SPRED1: variants seen among roughly 807,000 people sequenced by gnomAD.
SPRED1 encodes sprouty-related, EVH1 domain-containing protein 1.
Under a neutral mutation model 52.3 loss-of-function variants are expected in SPRED1, and 18 were observed. That is an observed-to-expected ratio of 0.34 (90% CI 0.24 to 0.51). The LOEUF (loss-of-function observed/expected upper bound fraction) is 0.51, where lower values mean the gene tolerates loss of function less well. Ranked by LOEUF, SPRED1 falls within the 20% of genes least tolerant of loss-of-function variation. The probability of loss-of-function intolerance (pLI) is 0.97; values close to 1 mark genes in which losing one functional copy is unlikely to be tolerated. For synonymous variants in SPRED1, 155 were observed against 179.7 expected, an observed-to-expected ratio of 0.86 and a Z score of 1.10; for missense variants, 485 against 551.0, an observed-to-expected ratio of 0.88 and a Z score of 1.20.
intron 2 of SPRED1, among the ~76,000 whole-genome samples, chr15:38,320,487 A>ATT (rs145164419): frequency 1.3e-5 from 2 of 151,402 alleles, no homozygotes; most frequent in Admixed American, 6.6e-5. Context: ...TAAAGTTGCT[A>ATT]TTTTTTTTTA....
chr15:38,297,994 T>C lies in SPRED1; in HGVS notation c.33-1379T>C, dbSNP rs1011407634. 1.8e-4 allele frequency among the ~76,000 whole-genome samples: 27 copies of C among 152,194 alleles called. 1 individual carries two copies. The highest frequency in any genetic ancestry group is 6.0e-4 in the African/African-American group (25 of 41,464). On this transcript the variant is annotated intron_variant, in intron 1 of 6. Transcript: ENST00000299084. ...AAGTATATTCTCTAAAAAATACTTA[T>C]GTCCAGAATATATTTTAAAAAACAC...
chr15:38,291,669 C>T (rs542055482), intron 1 of SPRED1, among the ~76,000 whole-genome samples: 135 of 152,330 alleles, frequency 8.9e-4, no homozygotes, highest in Admixed American at 3.5e-3. Flanking sequence ...CTTGGGACTT[C>T]CACCCTCTGA....
chr15:38,316,978 A>G (rs1895500955), intron 2 of SPRED1, among the ~76,000 whole-genome samples: 1 of 151,626 alleles, frequency 6.6e-6, no homozygotes, highest in Non-Finnish European at 1.5e-5. Flanking sequence ...TTTAATATTT[A>G]CTTTACAGTA....
At chr15:38,303,674 TAATAA>T (rs1223662355) in intron 2 of SPRED1, among the ~76,000 whole-genome samples, 3 of 151,432 alleles carry the variant, frequency 2.0e-5, no homozygotes, top group African/African-American at 7.2e-5. Flanking sequence ...ATATAATAGA[TAATAA>T]AATATTATAA....
intron 2 of SPRED1, among the ~76,000 whole-genome samples, chr15:38,318,515 T>C (rs1475496847): frequency 6.6e-6 from 1 of 152,118 alleles, no homozygotes; most frequent in South Asian, 2.1e-4. Flanking sequence ...TATTGGGTAA[T>C]GCTGAGGTTT....
intron 2 of SPRED1, among the ~76,000 whole-genome samples, chr15:38,317,835 A>ATT (rs1182861735): frequency 8.6e-6 from 1 of 115,954 alleles, no homozygotes; most frequent in African/African-American, 3.1e-5. Flanking sequence ...AACCCCATTG[A>ATT]TTTTTTTTTT....
intron 1 of SPRED1, among the ~76,000 whole-genome samples, chr15:38,277,235 A>G (rs763725430): frequency 6.6e-6 from 1 of 152,184 alleles, no homozygotes; most frequent in Non-Finnish European, 1.5e-5. Flanking sequence ...GGTAATAAGC[A>G]TAATACTCAA....
chr15:38,348,863 G>A (rs4924242), intron 5 of SPRED1, among the ~76,000 whole-genome samples: 13,448 of 152,092 alleles, frequency 0.088, 722 homozygotes, highest in East Asian at 0.21. Flanking sequence ...ACTTGTAAAT[G>A]TATCAGGACA....
intron 4 of SPRED1, among the ~76,000 whole-genome samples, chr15:38,325,122 C>T (rs548478862): frequency 6.6e-6 from 1 of 152,242 alleles, no homozygotes; most frequent in Admixed American, 6.5e-5. Flanking sequence ...CCTGAGCCAC[C>T]GTGCCTGGCC....
chr15:38,345,544 A>G (rs1299516428), intron 5 of SPRED1, among the ~76,000 whole-genome samples: 1 of 152,204 alleles, frequency 6.6e-6, no homozygotes, highest in East Asian at 1.9e-4. Context: ...TGCTGAAGAC[A>G]TGGCTGCTGG....
chr15:38,273,884 C>T (rs1448519131), intron 1 of SPRED1, among the ~76,000 whole-genome samples: 3 of 152,168 alleles, frequency 2.0e-5, no homozygotes, highest in Non-Finnish European at 2.9e-5. Flanking sequence ...GTTTATTTCT[C>T]CCTTTCCCTT....
In SPRED1 at chr15:38,354,437, C is replaced by T. The variant is rs899869997; in HGVS notation, c.*2773C>T. 1 of 152,170 alleles carries T rather than the reference C, an allele frequency of 6.6e-6. No individual in the cohort carries two copies. Among genetic ancestry groups the T allele is most frequent in the African/African-American group, 2.4e-5 (1 of 41,436 alleles). 9.4% of individuals were successfully genotyped at this position (152,170 alleles called of 1,614,324 possible). On this transcript the variant is annotated 3_prime_UTR_variant, in exon 7 of 7. Transcript: ENST00000299084. ...ATGAACTTGTTCAGAATTGATAATT[C>T]TTAAATATTTCTCTTGGCTTCAAAA...
rs187012731 is a variant in SPRED1 at position 38,309,924 on chromosome 15, C to T, written c.207+10377C>T. On this transcript the variant is annotated intron_variant, in intron 2 of 6. Transcript: ENST00000299084. ...CATATTTGTGTTCTTTATTATGTTC[C>T]ATTTCTCTATTTGTCCATCCCTCCA... Among the ~76,000 whole-genome samples the T allele has an allele frequency of 4.6e-5, 7 of 152,032 alleles. No individual in the cohort carries two copies. The East Asian group carries it at 5.8e-4, about 13-fold the overall frequency.
chr15:38,350,944 C>A, intron 6 of SPRED1, 70 bp from the exon 7 acceptor site: 1 of 1,427,928 alleles, frequency 7.0e-7, no homozygotes, highest in Non-Finnish European at 9.7e-7. Flanking sequence ...TGGACACTGG[C>A]CCCACCAAGG....
chr15:38,295,564 G>C (rs1190325204), intron 1 of SPRED1, among the ~76,000 whole-genome samples: 1 of 152,164 alleles, frequency 6.6e-6, no homozygotes, highest in African/African-American at 2.4e-5. Context: ...AAATGAAACC[G>C]ATGTAAAATT....
chr15:38,325,658 T>G (rs544705821), intron 4 of SPRED1, among the ~76,000 whole-genome samples: 1 of 152,220 alleles, frequency 6.6e-6, no homozygotes, highest in Admixed American at 6.5e-5. Flanking sequence ...CTAACTGCCA[T>G]ATTAAAAGGA....
intron 2 of SPRED1, among the ~76,000 whole-genome samples, chr15:38,318,548 C>G (rs544740323): frequency 6.6e-6 from 1 of 152,016 alleles, no homozygotes; most frequent in South Asian, 2.1e-4. Flanking sequence ...ATTTTGACAC[C>G]CATGTACTCA....
At chr15:38,290,081 T>C (rs1166358025) in intron 1 of SPRED1, among the ~76,000 whole-genome samples, 1 of 152,244 alleles carries the variant, frequency 6.6e-6, no homozygotes, top group Non-Finnish European at 1.5e-5. Context: ...CTTTCCCAAC[T>C]ATAGGATGAT....
At chr15:38,310,153 G>GTGTGTTTTTT (rs373463622) in intron 2 of SPRED1, among the ~76,000 whole-genome samples, 15 of 132,188 alleles carry the variant, frequency 1.1e-4, no homozygotes, top group African/African-American at 4.0e-4. Flanking sequence ...GTGTGTGTGT[G>GTGTGTTTTTT]TTTGGAGACG....
Sources: allele counts gnomAD v4.1 joint callset (sites outside exome capture counted in the v4.1 genomes callset), GRCh38; gene constraint gnomAD v4.1.1; transcripts MANE v1.5; gene names NCBI Gene and HGNC (gene_info 2026-07-23, HGNC 2026-07-21).